PRKAA2: variants seen among roughly 807,000 people sequenced by gnomAD.
PRKAA2 encodes the protein protein kinase AMP-activated catalytic subunit alpha 2, also known as 5'-AMP-activated protein kinase catalytic subunit alpha-2.
In PRKAA2, 40 loss-of-function variants were observed where a neutral mutation model predicts 56.3. That is an observed-to-expected ratio of 0.71 (90% CI 0.55 to 0.92). The LOEUF is 0.92. Among genes scored for constraint, PRKAA2 ranks in the 40% least tolerant of loss-of-function variants. The probability of loss-of-function intolerance (pLI) is 0.00; values close to 1 mark genes in which losing one functional copy is unlikely to be tolerated. For synonymous variants in PRKAA2, 214 were observed against 234.2 expected, an observed-to-expected ratio of 0.91 and a Z score of 0.79; for missense variants, 542 against 686.9, an observed-to-expected ratio of 0.79 and a Z score of 2.36.
intron 1 of PRKAA2, among the ~76,000 whole-genome samples, chr1:56,648,628 A>G (rs1031650101): frequency 5.3e-5 from 8 of 152,196 alleles, no homozygotes; most frequent in African/African-American, 1.4e-4. Flanking sequence ...AGAAACTGCA[A>G]CACTTTCCCA....
chr1:56,655,281 T>TATATATATATATATATA (rs1553146924), intron 1 of PRKAA2, among the ~76,000 whole-genome samples: 12 of 77,082 alleles, frequency 1.6e-4, no homozygotes, highest in African/African-American at 6.0e-4. Flanking sequence ...TATATATATA[T>TATATATATATATATATA]TTTTTTTTTT....
intron 1 of PRKAA2, among the ~76,000 whole-genome samples, chr1:56,674,039 T>G (rs991236716): frequency 2.0e-5 from 3 of 152,176 alleles, no homozygotes; most frequent in African/African-American, 7.2e-5. Flanking sequence ...ACAAAGAGAT[T>G]AATGAAACAG....
chr1:56,675,182 T>A (rs1350400119), intron 2 of PRKAA2, among the ~76,000 whole-genome samples: 1 of 152,178 alleles, frequency 6.6e-6, no homozygotes, highest in African/African-American at 2.4e-5. Context: ...ATAATGTGTT[T>A]CTTTCAGTCA....
In PRKAA2 at chr1:56,709,774, A is replaced by G. The variant is rs1418980203; in HGVS notation, c.*2061A>G. ...TTTAGCTCCATTAGTCTAATAGGTC[A>G]GATATTAAAAAATTGTTCATATCAA... On this transcript the variant is annotated 3_prime_UTR_variant, in exon 9 of 9. Coordinates refer to ENST00000371244, the MANE Select transcript of PRKAA2 (RefSeq NM_006252.4). 6.6e-6 allele frequency: 1 copy of G among 152,212 alleles called. No individual in the cohort carries two copies. Among genetic ancestry groups the G allele is most frequent in the East Asian group, 1.9e-4 (1 of 5,204 alleles). 9.4% of individuals were successfully genotyped at this position (152,212 alleles called of 1,614,324 possible).
At chr1:56,697,117 G>T (rs1644263833) in intron 6 of PRKAA2, among the ~76,000 whole-genome samples, 2 of 145,040 alleles carry the variant, frequency 1.4e-5, no homozygotes, top group Admixed American at 1.5e-4. Flanking sequence ...AAGCTGAGGT[G>T]TTCCTCCCAC....
intron 1 of PRKAA2, among the ~76,000 whole-genome samples, chr1:56,673,669 G>T (rs1025758296): frequency 8.5e-5 from 13 of 152,182 alleles, no homozygotes; most frequent in Admixed American, 7.9e-4. Context: ...TATTGATTTA[G>T]CACCTCTGTG....
At chr1:56,666,790 A>G (rs141317736) in intron 1 of PRKAA2, among the ~76,000 whole-genome samples, 45 of 152,316 alleles carry the variant, frequency 3.0e-4, no homozygotes, top group African/African-American at 1.0e-3. Flanking sequence ...ATGTATACCT[A>G]TAGCACTATA....
At chr1:56,680,708 A>G (rs1387386192) in intron 2 of PRKAA2, among the ~76,000 whole-genome samples, 3 of 152,132 alleles carry the variant, frequency 2.0e-5, no homozygotes, top group Non-Finnish European at 4.4e-5. Context: ...TTATGGCTGC[A>G]TAGTATTCCA....
chr1:56,668,843 T>A (rs1644055094), intron 1 of PRKAA2, among the ~76,000 whole-genome samples: 1 of 152,198 alleles, frequency 6.6e-6, no homozygotes, highest in African/African-American at 2.4e-5. Context: ...ACTTTTAATC[T>A]TTGTGTAAAA....
chr1:56,679,636 T>G (rs72668309), intron 2 of PRKAA2, among the ~76,000 whole-genome samples: 4,213 of 152,296 alleles, frequency 0.028, 110 homozygotes, highest in East Asian at 0.12. Flanking sequence ...GTTACCATCT[T>G]GCTTGTTGTA....
In PRKAA2 at chr1:56,711,606, TG is replaced by T. The variant is rs1230492664; in HGVS notation, c.*3894del. On this transcript the variant is annotated 3_prime_UTR_variant, in exon 9 of 9. Transcript: ENST00000371244. ...CTTGCATTTATTTACTTGGTTCTCC[TG>T]TGTCACCCTGTGGCTTTTTAAATAG... 6.6e-6 allele frequency: 1 copy of T among 152,184 alleles called. No individual in the cohort carries two copies. Among genetic ancestry groups the T allele is most frequent in the African/African-American group, 2.4e-5 (1 of 41,446 alleles). The allele number at this position is 152,184 out of a possible 1,614,324, so 9.4% of individuals were successfully genotyped here.
chr1:56,666,293 C>T (rs1644035253), intron 1 of PRKAA2, among the ~76,000 whole-genome samples: 1 of 152,116 alleles, frequency 6.6e-6, no homozygotes, highest in Non-Finnish European at 1.5e-5. Flanking sequence ...AGGAGCTAGC[C>T]ACCGTAAAGG....
chr1:56,703,888 A>C, intron 6 of PRKAA2, 83 bp from the exon 7 acceptor site: 1 of 1,404,100 alleles, frequency 7.1e-7, no homozygotes, highest in Non-Finnish European at 9.7e-7. Flanking sequence ...TTTTGATTAT[A>C]TTCTATTATA....
At chr1:56,695,200 A>G (rs1035351057) in intron 5 of PRKAA2, among the ~76,000 whole-genome samples, 1 of 120,800 alleles carries the variant, frequency 8.3e-6, no homozygotes, top group Admixed American at 7.6e-5. Flanking sequence ...ATATATATAT[A>G]TATTTTTTGT....
At chr1:56,698,347 A>G (rs1001282634) in intron 6 of PRKAA2, among the ~76,000 whole-genome samples, 10 of 152,232 alleles carry the variant, frequency 6.6e-5, no homozygotes, top group East Asian at 1.9e-4. Flanking sequence ...GACTTTTCAT[A>G]TATAGCTATA....
intron 1 of PRKAA2, among the ~76,000 whole-genome samples, chr1:56,659,802 G>A (rs1052937510): frequency 6.6e-6 from 1 of 152,058 alleles, no homozygotes; most frequent in African/African-American, 2.4e-5. Flanking sequence ...CAGCGACTTG[G>A]GGAACTGAGG....
At position 56,714,442 on chromosome 1, in the gene PRKAA2, T is replaced by C. The variant is rs181603487; in HGVS notation, c.*6729T>C. 6.6e-5 allele frequency: 10 copies of C among 152,292 alleles called. No homozygotes were observed. The East Asian group carries it at 1.9e-3, about 29-fold the overall frequency. The allele number at this position is 152,292 out of a possible 1,614,324, so 9.4% of individuals were successfully genotyped here. ...TTTTAAAAAAAATAAGTATCTTTGA[T>C]ACTGATAGGATGAGTATCTTGATTT... is the stretch of plus-strand genomic sequence containing the variant. On this transcript the variant is annotated 3_prime_UTR_variant, in exon 9 of 9. Transcript: ENST00000371244.
chr1:56,648,015 G>C (rs922358995), intron 1 of PRKAA2, among the ~76,000 whole-genome samples: 6 of 148,168 alleles, frequency 4.0e-5, no homozygotes, highest in African/African-American at 1.0e-4. Flanking sequence ...GGGCGGCAGA[G>C]CAAGACTCCA....
At chr1:56,650,029 A>T (rs1646674462) in intron 1 of PRKAA2, among the ~76,000 whole-genome samples, 4 of 152,126 alleles carry the variant, frequency 2.6e-5, no homozygotes, top group African/African-American at 9.7e-5. Flanking sequence ...CGGGAGGCGG[A>T]AGTTGCAGTG....
Sources: gnomAD v4.1 joint callset for allele counts (sites outside exome capture counted in the v4.1 genomes callset) on GRCh38, gnomAD v4.1.1 for gene constraint, MANE v1.5 for transcripts, NCBI Gene and HGNC (gene_info 2026-07-23, HGNC 2026-07-21) for gene names.